The following MOBP variants were observed in gnomAD, a reference collection of about 807,000 sequenced individuals.
MOBP encodes myelin associated oligodendrocyte basic protein.
A neutral mutation model predicts 15.0 loss-of-function variants in MOBP; 5 were observed. That is an observed-to-expected ratio of 0.33 (90% CI 0.17 to 0.70). The LOEUF (loss-of-function observed/expected upper bound fraction) is 0.70, where lower values mean the gene tolerates loss of function less well. Ranked by LOEUF, MOBP falls within the 30% of genes least tolerant of loss-of-function variation. The pLI, the probability that MOBP is intolerant of heterozygous loss-of-function variation, is 0.67. For missense variants in MOBP, 188 were observed against 257.8 expected (o/e 0.73, Z 1.85); for synonymous variants, 88 against 99.0 (o/e 0.89, Z 0.66).
intron 2 of MOBP, among the ~76,000 whole-genome samples, chr3:39,494,031 A>G (rs1276738710): frequency 6.6e-6 from 1 of 152,194 alleles, no homozygotes; most frequent in African/African-American, 2.4e-5. Flanking sequence ...CCTACCTTTC[A>G]TTGACTAGAA....
chr3:39,506,847 T>A (rs1209815471), downstream of MOBP, among the ~76,000 whole-genome samples: 1 of 152,234 alleles, frequency 6.6e-6, no homozygotes, highest in African/African-American at 2.4e-5. Flanking sequence ...GTGGCCTTCA[T>A]GCTGCTTTTC....
intron 1 of MOBP, among the ~76,000 whole-genome samples, chr3:39,471,769 C>T (rs1372353133): frequency 1.1e-4 from 16 of 152,158 alleles, no homozygotes; most frequent in Admixed American, 1.0e-3. Context: ...GTGGCCACAT[C>T]CAGAGAGCTA....
In MOBP at chr3:39,502,209, G is replaced by GT; in HGVS notation, c.141dup (p.Lys48Ter). ...ATAGTGGATCGGAAATACAGCATCTGTAAGAGCGGCTGCTTCTACCAGAAG... is the reference window on the plus strand; with the variant it reads ...ATAGTGGATCGGAAATACAGCATCTGTTAAGAGCGGCTGCTTCTACCAGAAG... On this transcript the variant is annotated frameshift_variant, in exon 3 of 4. Coordinates refer to ENST00000684792, the MANE Select transcript of MOBP (RefSeq NM_001393704.1). LOFTEE classifies it high-confidence loss of function. This position sits in a 1 kb window ranked among gnomAD's most constrained non-coding sequence, Gnocchi z 6.3. The GT allele has an allele frequency of 6.2e-7, 1 of 1,614,238 alleles. No individual in the cohort carries two copies. The highest frequency in any genetic ancestry group is 2.2e-5 in the East Asian group (1 of 44,876).
At chr3:39,492,976 T>C (rs1396823535) in intron 2 of MOBP, among the ~76,000 whole-genome samples, 1 of 152,226 alleles carries the variant, frequency 6.6e-6, no homozygotes, top group Admixed American at 6.5e-5. Flanking sequence ...TTTGCATGTC[T>C]GACTTCCTGT....
chr3:39,512,236 G>A (rs913797151), intron 4 of MOBP, among the ~76,000 whole-genome samples: 1 of 152,122 alleles, frequency 6.6e-6, no homozygotes, highest in African/African-American at 2.4e-5. Context: ...ATATTACCTA[G>A]GATGCCACAG....
intron 1 of MOBP, among the ~76,000 whole-genome samples, chr3:39,471,131 CT>C (rs35128158): frequency 0.68 from 87,445 of 128,866 alleles, 29,801 homozygotes; most frequent in Admixed American, 0.77. Context: ...AAAGAAAAGT[CT>C]TTTTTTTTTT....
chr3:39,470,510 T>C (rs2042454899), intron 1 of MOBP, among the ~76,000 whole-genome samples: 1 of 152,228 alleles, frequency 6.6e-6, no homozygotes, highest in African/African-American at 2.4e-5. Flanking sequence ...AAGTATGATA[T>C]AAGCCTATTG....
intron 2 of MOBP, 150 bp from the exon 3 acceptor site, chr3:39,501,916 G>A: frequency 1.6e-6 from 1 of 611,180 alleles, no homozygotes; most frequent in South Asian, 2.1e-5. Flanking sequence ...AGAGTTGGGG[G>A]GAAGTTGGTC....
chr3:39,526,188 C>G (rs893518887), downstream of MOBP: 1 of 152,212 alleles, frequency 6.6e-6, no homozygotes, highest in Non-Finnish European at 1.5e-5. Context: ...TTGCTGGGCT[C>G]TCTCTTCCAC....
chr3:39,520,828 T>C (rs1351675558), downstream of MOBP, among the ~76,000 whole-genome samples: 2 of 152,202 alleles, frequency 1.3e-5, no homozygotes, highest in African/African-American at 4.8e-5. Flanking sequence ...CAATTCACGT[T>C]AATTTCTTCT....
chr3:39,512,447 A>G (rs1164015034), intron 4 of MOBP, among the ~76,000 whole-genome samples: 3 of 152,162 alleles, frequency 2.0e-5, no homozygotes, highest in Non-Finnish European at 4.4e-5. Context: ...ATGTGTTCCA[A>G]CCTTTCAGGC....
intron 2 of MOBP, among the ~76,000 whole-genome samples, chr3:39,498,023 A>G (rs963230496): frequency 1.3e-5 from 2 of 152,238 alleles, no homozygotes; most frequent in East Asian, 1.9e-4. Flanking sequence ...CTGGGTTACA[A>G]TGTACCCATC....
At chr3:39,469,454 A>AAAAT (rs1267245558) in intron 1 of MOBP, among the ~76,000 whole-genome samples, 135 of 113,376 alleles carry the variant, frequency 1.2e-3, no homozygotes, top group Non-Finnish European at 2.1e-3. Context: ...TTAGAAAATT[A>AAAAT]CTATTGAGAA....
intron 4 of MOBP, among the ~76,000 whole-genome samples, chr3:39,512,953 A>G (rs1195140915): frequency 6.6e-6 from 1 of 152,220 alleles, no homozygotes; most frequent in Non-Finnish European, 1.5e-5. Flanking sequence ...TTCCCTCATC[A>G]AAGTGGAAAC....
downstream of MOBP, among the ~76,000 whole-genome samples, chr3:39,518,862 G>T (rs554976126): frequency 1.3e-5 from 2 of 152,166 alleles, no homozygotes; most frequent in Non-Finnish European, 2.9e-5. Context: ...CCAATTCACT[G>T]CTAGGCAGAC....
intron 2 of MOBP, among the ~76,000 whole-genome samples, chr3:39,487,518 C>CTTTTTTTTTTTT (rs1216386382): frequency 2.0e-5 from 2 of 102,498 alleles, no homozygotes; most frequent in Non-Finnish European, 3.9e-5. Context: ...AATTTTCTTT[C>CTTTTTTTTTTTT]TTTTTTTTTT....
chr3:39,469,310 A>G (rs2042432913), intron 1 of MOBP, among the ~76,000 whole-genome samples: 2 of 150,208 alleles, frequency 1.3e-5, no homozygotes, highest in South Asian at 4.2e-4. Context: ...ATATATACAC[A>G]TATTTATATC....
At chr3:39,499,450 A>T (rs2125652948) in intron 2 of MOBP, 1 of 152,200 alleles carries the variant, frequency 6.6e-6, no homozygotes, top group East Asian at 1.9e-4. Flanking sequence ...AATACCCATT[A>T]CTCCTTCTTC....
intron 2 of MOBP, among the ~76,000 whole-genome samples, chr3:39,494,501 A>G (rs1186430435): frequency 6.6e-6 from 1 of 151,866 alleles, no homozygotes; most frequent in African/African-American, 2.4e-5. Context: ...CAGAGAGTTC[A>G]TAGTTATCTT....
Sources: allele counts gnomAD v4.1 joint callset (sites outside exome capture counted in the v4.1 genomes callset), GRCh38; gene constraint gnomAD v4.1.1; non-coding constraint Gnocchi (gnomAD v3.1); transcripts MANE v1.5; gene names NCBI Gene and HGNC (gene_info 2026-07-23, HGNC 2026-07-21).